Variants in ANAPC4 observed in about 807,000 individuals in gnomAD.
ANAPC4 encodes anaphase-promoting complex subunit 4.
Under a neutral mutation model 119.8 loss-of-function variants are expected in ANAPC4, and 63 were observed. The ratio of observed to expected loss-of-function variants is 0.53; its 90% CI spans 0.43 to 0.65. ANAPC4 has a LOEUF of 0.65. Ranked by LOEUF, ANAPC4 falls within the 30% of genes least tolerant of loss-of-function variation. ANAPC4 has a pLI of 0.00. For synonymous variants in ANAPC4, 283 were observed against 318.6 expected, an observed-to-expected ratio of 0.89 and a Z score of 1.19; for missense variants, 716 against 945.1, an observed-to-expected ratio of 0.76 and a Z score of 3.18.
At chr4:25,383,483 A>T in intron 4 of ANAPC4, 90 bp downstream of exon 4, 1 of 1,226,562 alleles carries the variant, frequency 8.2e-7, no homozygotes, top group East Asian at 2.6e-5. Context: ...TATTGGGTGT[A>T]TGTGCGTTGT....
Position 25,380,379 on chromosome 4 carries a change from A to G in ANAPC4, c.135A>G (p.Leu45=), listed in dbSNP as rs904001337. 3 of 1,611,346 alleles carry G rather than the reference A, an allele frequency of 1.9e-6. No individual in the cohort carries two copies. The highest frequency in any genetic ancestry group is 1.7e-6 in the Non-Finnish European group (2 of 1,178,262). The part of the protein sequence containing the change: ...IALANTAGEV[L]LHRLASFHRV... ...TTATATCTGCTTTGTCTTAGGTTTT[A>G]CTTCATCGACTGGCAAGTTTTCATC... Residue 45 remains leucine, a synonymous_variant, in exon 3 of 29, where the codon TTA becomes TTG. Transcript: ENST00000315368.
chr4:25,394,802 C>A (rs766376417), intron 13 of ANAPC4, 27 bp from the exon 14 acceptor site: 1 of 1,604,270 alleles, frequency 6.2e-7, no homozygotes, highest in Admixed American at 1.7e-5. Context: ...TGATTGTATG[C>A]TAAATATATT....
rs1724004628 is a variant in ANAPC4 at position 25,418,446 on chromosome 4, T to C, written c.*64T>C. The C allele has an allele frequency of 1.5e-6, 2 of 1,366,402 alleles. No individual in the cohort carries two copies. Among genetic ancestry groups the C allele is most frequent in the Admixed American group, 2.0e-5 (1 of 49,292 alleles). The allele number at this position is 1,366,402 out of a possible 1,614,324, so 84.6% of individuals were successfully genotyped here. A position where few individuals can be genotyped will look rare whatever the true frequency, so the allele number is the denominator to read the frequency against. On this transcript the variant is annotated 3_prime_UTR_variant, in exon 29 of 29. Transcript: ENST00000315368. ...AGGACATAGGAGATGGACTAAGATG[T>C]CTTGGACCACCTTTGTGTAACAAAG... is the stretch of plus-strand genomic sequence containing the variant.
At chr4:25,394,230 C>T in intron 11 of ANAPC4, 80 bp from the exon 12 acceptor site, 3 of 1,150,252 alleles carry the variant, frequency 2.6e-6, no homozygotes, top group Non-Finnish European at 3.7e-6. Context: ...GAAAGGGAGT[C>T]ATGCTCCTAT....
chr4:25,392,353 T>C lies in ANAPC4; in HGVS notation c.721T>C (p.Leu241=). 5 of 1,612,628 alleles carry C rather than the reference T, an allele frequency of 3.1e-6. No individual in the cohort carries two copies. Among genetic ancestry groups the C allele is most frequent in the Non-Finnish European group, 4.2e-6 (5 of 1,178,664 alleles). ...VSYFQLETNL[L]YSFLPEVTRM... is the part of the protein sequence containing the mutation. ...GATTTTACAGCTTGAAACTAATCTG[T>C]TGTACTCTTTCTTACCTGAAGTAAC... The change falls in exon 10 of 29, where the codon TTG becomes CTG. Residue 241 remains leucine (L), a synonymous_variant. Coordinates refer to ENST00000315368, the MANE Select transcript of ANAPC4 (RefSeq NM_013367.3).
At chr4:25,414,097 G>A (rs1723726434) in intron 22 of ANAPC4, 2 of 469,160 alleles carry the variant, frequency 4.3e-6, no homozygotes, top group East Asian at 6.8e-5. Context: ...AGACCAGAGG[G>A]AGGTGGTCTT....
In ANAPC4 at chr4:25,394,345, C is replaced by T. The variant is rs752027444; in HGVS notation, c.912C>T (p.Phe304=). The T allele has an allele frequency of 1.3e-6, 2 of 1,581,304 alleles. No homozygotes were observed. Among genetic ancestry groups the T allele is most frequent in the African/African-American group, 1.4e-5 (1 of 72,564 alleles). ...CAACCACATCAGTGCAAGATGAGTT[C>T]ATGCACTTGCTATTATGGGGGAAAG... ...KNTTTSVQDE[F]MHLLLWGKAS... is the part of the protein sequence containing the mutation. Residue 304 remains phenylalanine, a synonymous_variant, in exon 12 of 29, where the codon TTC becomes TTT. Transcript: ENST00000315368.
chr4:25,416,531 C>T lies in ANAPC4; in HGVS notation c.2008C>T (p.Pro670Ser), dbSNP rs771661752. The T allele has an allele frequency of 6.2e-6, 10 of 1,606,714 alleles. No homozygotes were observed. Among genetic ancestry groups the T allele is most frequent in the Non-Finnish European group, 8.5e-6 (10 of 1,174,792 alleles). ...AAGAGATAGACTCTTGGTCCAGCTG[C>T]CTTTGTCTTTAGTATATAACAGTGA... Reference protein sequence around the residue: ...EGRDRLLVQLPLSLVYNSEDS... With the variant: ...EGRDRLLVQLSLSLVYNSEDS... The change falls in exon 27 of 29, where the codon CCT (proline) becomes TCT (serine). Residue 670 changes from proline (P) to serine (S), a missense_variant. By Grantham distance (74) the Pro-to-Ser change is moderately conservative (BLOSUM62 -1). This residue lies in a region of ANAPC4 where 504 missense variants were observed against 615.8 expected (regional missense o/e 0.82). Transcript: ENST00000315368.
chr4:25,396,768 G>A lies in ANAPC4; in HGVS notation c.1162+4G>A, dbSNP rs754383299. 95 of 1,612,120 alleles carry A rather than the reference G, an allele frequency of 5.9e-5. No homozygotes were observed. The highest frequency in any genetic ancestry group is 1.1e-4 in the African/African-American group (8 of 74,784). ...CTAGATGCTGCAGGAATCGAAGGTA[G>A]TGATTTAATTTCTCAGTGAAATACA... is the stretch of plus-strand genomic sequence containing the variant. On this transcript the variant is annotated splice_donor_region_variant and intron_variant, in intron 15 of 28. Coordinates refer to ENST00000315368, the MANE Select transcript of ANAPC4 (RefSeq NM_013367.3).
At chr4:25,382,584 G>A (rs1307923931) in intron 3 of ANAPC4, among the ~76,000 whole-genome samples, 1 of 149,960 alleles carries the variant, frequency 6.7e-6, no homozygotes, top group African/African-American at 2.5e-5. Context: ...AGTAAAATGT[G>A]TTTTTTGTTA....
chr4:25,413,537 A>G, intron 21 of ANAPC4, 108 bp from the exon 22 acceptor site: 1 of 743,808 alleles, frequency 1.3e-6, no homozygotes, highest in Non-Finnish European at 2.1e-6. Context: ...TGAAAATTCT[A>G]CCTCGAGATA....
intron 4 of ANAPC4, among the ~76,000 whole-genome samples, chr4:25,386,254 C>G (rs985947624): frequency 6.6e-5 from 10 of 151,812 alleles, no homozygotes; most frequent in African/African-American, 2.4e-4. Context: ...ATTCTGTCAC[C>G]CAGGCCAGAG....
Position 25,409,822 on chromosome 4 carries a change from T to A in ANAPC4, c.1525+31T>A, listed in dbSNP as rs761918295. On this transcript the variant is annotated intron_variant, in intron 21 of 28. Transcript: ENST00000315368. ...TCATGAACCAACCAGATTTTGGCCA[T>A]TTTTGTTTTTATTTAAGACTAGGTC... 4 of 1,561,588 alleles carry A rather than the reference T, an allele frequency of 2.6e-6. No homozygotes were observed. The South Asian group carries it at 4.5e-5, about 18-fold the overall frequency.
In ANAPC4 at chr4:25,418,403, T is replaced by C; in HGVS notation, c.*21T>C. 1 of 1,605,614 alleles carries C rather than the reference T, an allele frequency of 6.2e-7. No homozygotes were observed. The highest frequency in any genetic ancestry group is 8.5e-7 in the Non-Finnish European group (1 of 1,173,118). On this transcript the variant is annotated 3_prime_UTR_variant, in exon 29 of 29. Transcript: ENST00000315368. ...CCTAATCTAGCTTGCCATTATTGTG[T>C]GTGTAATTATGGCCAAAAGGACATA...
intron 20 of ANAPC4, among the ~76,000 whole-genome samples, 190 bp from the exon 21 acceptor site, chr4:25,409,508 G>C (rs1412813015): frequency 6.6e-6 from 1 of 152,166 alleles, no homozygotes; most frequent in Non-Finnish European, 1.5e-5. Context: ...TGATAGTAAT[G>C]CACTTTCAGA....
intron 4 of ANAPC4, 21 bp from the exon 5 acceptor site, chr4:25,388,479 C>G (rs1038349053): frequency 6.8e-7 from 1 of 1,480,960 alleles, no homozygotes; most frequent in Non-Finnish European, 9.3e-7. Context: ...TTTTATAATG[C>G]TTTTATTTTT....
At chr4:25,379,924 A>C (rs915812407) in intron 2 of ANAPC4, among the ~76,000 whole-genome samples, 4 of 152,174 alleles carry the variant, frequency 2.6e-5, no homozygotes, top group African/African-American at 9.7e-5. Context: ...CAAGGTGGGA[A>C]TTTACTGATG....
At chr4:25,394,107 G>C (rs1024685676) in intron 11 of ANAPC4, among the ~76,000 whole-genome samples, 1 of 152,188 alleles carries the variant, frequency 6.6e-6, no homozygotes, top group Admixed American at 6.5e-5. Context: ...TTGTGAAGTG[G>C]AGCTGGTGGG....
At position 25,407,089 on chromosome 4, in the gene ANAPC4, A is replaced by G. The variant is rs886549866; in HGVS notation, c.1375-108A>G. On this transcript the variant is annotated intron_variant, in intron 19 of 28. Transcript: ENST00000315368. The stretch of plus-strand genomic sequence containing the variant: ...GTCTTATAATCTATAAAAGAAAATA[A>G]TAACTGCCACTCACAGCTCTCTTGA... 8 of 987,108 alleles carry G rather than the reference A, an allele frequency of 8.1e-6. No homozygotes were observed. In the African/African-American group the frequency reaches 1.2e-4, roughly 14 times the overall value. The allele number at this position is 987,108 out of a possible 1,614,324, so 61.1% of individuals were successfully genotyped here. A position where few individuals can be genotyped will look rare whatever the true frequency, so the allele number is the denominator to read the frequency against.
Sources: gnomAD v4.1 joint callset for allele counts (sites outside exome capture counted in the v4.1 genomes callset) on GRCh38, gnomAD v4.1.1 for gene constraint, gnomAD v4.1.1 regional missense constraint, MANE v1.5 for transcripts, NCBI Gene and HGNC (gene_info 2026-07-23, HGNC 2026-07-21) for gene names.